Variants in PRDM2 observed in about 807,000 individuals in gnomAD.
The protein encoded by PRDM2 is PR/SET domain 2.
A neutral mutation model predicts 130.0 loss-of-function variants in PRDM2; 30 were observed. That is an observed-to-expected ratio of 0.23 (90% CI 0.17 to 0.31). The LOEUF (loss-of-function observed/expected upper bound fraction) is 0.31, where lower values mean the gene tolerates loss of function less well. PRDM2 is among the 10% of genes least tolerant of loss of function. The probability of loss-of-function intolerance (pLI) is 1.00; values close to 1 mark genes in which losing one functional copy is unlikely to be tolerated. For missense variants in PRDM2, 2,011 were observed against 2,108.4 expected, an observed-to-expected ratio of 0.95 and a Z score of 0.90; for synonymous variants, 871 against 782.4, an observed-to-expected ratio of 1.11 and a Z score of -1.89.
Position 13,758,924 on chromosome 1 carries a change from T to C in PRDM2, c.511+9437T>C, listed in dbSNP as rs1644030010. Among the ~76,000 whole-genome samples, 5 of 152,316 alleles carry C rather than the reference T, an allele frequency of 3.3e-5. No individual in the cohort carries two copies. The South Asian group carries it at 1.0e-3, about 32-fold the overall frequency. ...TAAGATAATGATACTGTGTGTGTGG[T>C]ATATAAAAATAACAGTTTATAAGAT... On this transcript the variant is annotated intron_variant, in intron 6 of 9. Transcript: ENST00000311066.
intron 8 of PRDM2, among the ~76,000 whole-genome samples, chr1:13,790,748 T>C (rs937947776): frequency 1.3e-5 from 2 of 151,972 alleles, no homozygotes; most frequent in African/African-American, 2.4e-5. Flanking sequence ...TGCTCCTTGG[T>C]GCCATGGATC....
Position 13,782,330 on chromosome 1 carries a change from A to T in PRDM2, c.4535A>T (p.Asn1512Ile). ...PASSDKNSNSNHRRRTADAEI... is the reference protein window; with the variant it reads ...PASSDKNSNSIHRRRTADAEI... The stretch of plus-strand genomic sequence containing the variant: ...AGTAGTGACAAAAACAGTAACAGCA[A>T]CCACCGCAGACGGACAGCGGATGCG... The change falls in exon 8 of 10, where the codon AAC (asparagine) becomes ATC (isoleucine). Residue 1512 changes from asparagine to isoleucine, a missense_variant. Coordinates refer to ENST00000311066, the MANE Select transcript of PRDM2 (RefSeq NM_001393986.1). 1 of 1,614,120 alleles carries T rather than the reference A, an allele frequency of 6.2e-7. No homozygotes were observed. Among genetic ancestry groups the T allele is most frequent in the African/African-American group, 1.3e-5 (1 of 75,034 alleles).
chr1:13,739,990 A>G (rs903584003), intron 4 of PRDM2, among the ~76,000 whole-genome samples: 1 of 152,136 alleles, frequency 6.6e-6, no homozygotes, highest in African/African-American at 2.4e-5. Flanking sequence ...TTCGTTTGTG[A>G]ATTACTTCTT....
At chr1:13,773,054 A>G (rs1644392581) in intron 6 of PRDM2, 24 bp from the exon 7 acceptor site, 1 of 1,326,196 alleles carries the variant, frequency 7.5e-7, no homozygotes, top group Non-Finnish European at 1.0e-6. Context: ...ATGAATGAAT[A>G]AATTAAAAAA....
rs571240623 is a variant in PRDM2, at chr1:13,756,188, G to A, written c.511+6701G>A. Among the ~76,000 whole-genome samples, 82 of 151,660 alleles carry A rather than the reference G, an allele frequency of 5.4e-4. 2 individuals are homozygous for A. In the East Asian group the frequency reaches 0.014, roughly 27 times the overall value. On this transcript the variant is annotated intron_variant, in intron 6 of 9. Transcript: ENST00000311066. ...TGAGGCAGGAGAATGGCGTGAACCC[G>A]GGAGGCAGAGCTTGTAGTGAGCCGA...
intron 1 of PRDM2, among the ~76,000 whole-genome samples, chr1:13,714,338 C>CTTTTT (rs550641481): frequency 7.2e-6 from 1 of 138,176 alleles, no homozygotes; most frequent in African/African-American, 2.6e-5. Context: ...AATTCTCTGG[C>CTTTTT]TTTTTTTTTT....
At chr1:13,789,338 A>G (rs1442693788) in intron 8 of PRDM2, among the ~76,000 whole-genome samples, 1 of 152,234 alleles carries the variant, frequency 6.6e-6, no homozygotes, top group Admixed American at 6.5e-5. Context: ...CTAGCAAGAT[A>G]ATTTTACAAA....
intron 5 of PRDM2, among the ~76,000 whole-genome samples, chr1:13,745,312 C>T (rs555651549): frequency 3.9e-5 from 6 of 152,146 alleles, no homozygotes; most frequent in East Asian, 3.9e-4. Flanking sequence ...GACAGACGTT[C>T]GAACCCCACT....
At chr1:13,741,720 T>TTGTGTTTGTGTGTGTG (rs1182291567) in intron 4 of PRDM2, among the ~76,000 whole-genome samples, 1 of 112,550 alleles carries the variant, frequency 8.9e-6, no homozygotes, top group Non-Finnish European at 1.7e-5. Flanking sequence ...CTCTTTAAGT[T>TTGTGTTTGTGTGTGTG]TGTGTGTGTG....
At chr1:13,741,774 G>A (rs1177253420) in intron 4 of PRDM2, among the ~76,000 whole-genome samples, 2 of 148,354 alleles carry the variant, frequency 1.3e-5, no homozygotes, top group East Asian at 4.0e-4. Flanking sequence ...GTAGGGGTGG[G>A]GGGCGCGGGG....
Position 13,782,180 on chromosome 1 carries a change from G to A in PRDM2, c.4385G>A (p.Arg1462Gln). The change falls in exon 8 of 10, where the codon CGA becomes CAA. Residue 1462 changes from arginine (R) to glutamine (Q), a missense_variant. Physicochemically the swap from Arg to Gln is conservative, Grantham distance 43 (BLOSUM62 1). Coordinates refer to ENST00000311066, the MANE Select transcript of PRDM2 (RefSeq NM_001393986.1). ...SSSHICPYCN[R>Q]EFTYIGSLNK... ...TCTCACATCTGCCCTTACTGTAATC[G>A]AGAGTTCACTTACATTGGAAGCCTG... 1 of 1,613,584 alleles carries A rather than the reference G, an allele frequency of 6.2e-7. No homozygotes were observed. Among genetic ancestry groups the A allele is most frequent in the Non-Finnish European group, 8.5e-7 (1 of 1,179,948 alleles).
chr1:13,799,372 G>A (rs1181035205), intron 8 of PRDM2, among the ~76,000 whole-genome samples: 1 of 151,798 alleles, frequency 6.6e-6, no homozygotes, highest in East Asian at 1.9e-4. Context: ...TTGAACCCGG[G>A]AGGCGGAGGC....
At position 13,779,944 on chromosome 1, in the gene PRDM2, G is replaced by A. The variant is rs1427952747; in HGVS notation, c.2149G>A (p.Val717Ile). 6.2e-6 allele frequency: 10 copies of A among 1,614,206 alleles called. No individual in the cohort carries two copies. The highest frequency in any genetic ancestry group is 8.5e-6 in the Non-Finnish European group (10 of 1,180,040). Residue 717 changes from valine to isoleucine, a missense_variant, in exon 8 of 10, where the codon GTT becomes ATT. By Grantham distance (29) the Val-to-Ile change is conservative. Transcript: ENST00000311066. The surrounding 1 kb of genome is among the most constrained non-coding windows in gnomAD (Gnocchi z 4.9). ...AACTGAAATAGCTAAATTAGGTCCT[G>A]TTTGTGTGTCTGCTCCTGCATCAAT... ...SATEIAKLGP[V>I]CVSAPASMLP...
At chr1:13,820,756 T>C (rs1272953986) in intron 9 of PRDM2, among the ~76,000 whole-genome samples, 2 of 151,204 alleles carry the variant, frequency 1.3e-5, no homozygotes, top group Non-Finnish European at 2.9e-5. Context: ...CTCCTGCTGC[T>C]GTGGCCTCCC....
intron 4 of PRDM2, among the ~76,000 whole-genome samples, chr1:13,740,334 G>A (rs962780452): frequency 3.3e-5 from 5 of 152,194 alleles, no homozygotes; most frequent in African/African-American, 1.2e-4. Flanking sequence ...CAGTATTTGG[G>A]TGGGGAGTGA....
rs979575779 is a variant in PRDM2, at chr1:13,780,600, C to G, written c.2805C>G (p.Ala935=). 4 of 1,613,956 alleles carry G rather than the reference C, an allele frequency of 2.5e-6. No homozygotes were observed. The highest frequency in any genetic ancestry group is 3.3e-5 in the Admixed American group (2 of 60,002). ...PDLGPGSGFP[A]PTVESTPDVC... ...TCGGTCCGGGCTCTGGTTTCCCTGC[C>G]CCTACTGTTGAGTCCACACCTGATG... The change falls in exon 8 of 10, where the codon GCC becomes GCG. Residue 935 remains alanine (A), a synonymous_variant. Transcript: ENST00000311066.
At chr1:13,754,045 G>A (rs1224673850) in intron 6 of PRDM2, among the ~76,000 whole-genome samples, 1 of 152,124 alleles carries the variant, frequency 6.6e-6, no homozygotes, top group Non-Finnish European at 1.5e-5. Context: ...GGTGGAGGAG[G>A]TATGGCCTGA....
chr1:13,770,934 A>G (rs1037786166), intron 6 of PRDM2, among the ~76,000 whole-genome samples: 3 of 152,206 alleles, frequency 2.0e-5, no homozygotes, highest in Non-Finnish European at 4.4e-5. Context: ...TATTTGCATT[A>G]TGGATGTGGG....
rs1311656539 is a variant in PRDM2, at chr1:13,778,816, A to G, written c.1021A>G (p.Met341Val). The G allele has an allele frequency of 6.2e-7, 1 of 1,614,208 alleles. No individual in the cohort carries two copies. Among genetic ancestry groups the G allele is most frequent in the Non-Finnish European group, 8.5e-7 (1 of 1,180,046 alleles). ...AGACTGCTCAGAGGTAACACCTGCC[A>G]TGCAAATCCCCAGAACTAAAGAAGA... The part of the protein sequence containing the change: ...LEDCSEVTPA[M>V]QIPRTKEEAN... The change falls in exon 8 of 10, where the codon ATG (methionine) becomes GTG (valine). Residue 341 changes from methionine to valine, a missense_variant. Around this residue, in one of 5 missense-constraint regions of PRDM2, gnomAD observed 1,288 missense variants for 1,237.7 expected, o/e 1.04. Coordinates refer to ENST00000311066, the MANE Select transcript of PRDM2 (RefSeq NM_001393986.1).
Sources: gnomAD v4.1 joint callset for allele counts (sites outside exome capture counted in the v4.1 genomes callset) on GRCh38, gnomAD v4.1.1 for gene constraint, gnomAD v4.1.1 regional missense constraint, Gnocchi (gnomAD v3.1) non-coding constraint, MANE v1.5 for transcripts, NCBI Gene and HGNC (gene_info 2026-07-23, HGNC 2026-07-21) for gene names.